SYNPR: variants seen among roughly 807,000 people sequenced by gnomAD.
SYNPR encodes synaptoporin.
Under a neutral mutation model 32.9 loss-of-function variants are expected in SYNPR, and 23 were observed. That is an observed-to-expected ratio of 0.70 (90% CI 0.50 to 0.99). The LOEUF is 0.99. Ranked by LOEUF, SYNPR falls within the 50% of genes least tolerant of loss-of-function variation. The probability of loss-of-function intolerance (pLI) is 0.00; values close to 1 mark genes in which losing one functional copy is unlikely to be tolerated. For synonymous variants in SYNPR, 146 were observed against 135.9 expected (o/e 1.07, Z -0.52); for missense variants, 318 against 349.3 (o/e 0.91, Z 0.71).
chr3:63,264,491 A>C (rs2086464502), intron 2 of SYNPR, among the ~76,000 whole-genome samples: 1 of 152,188 alleles, frequency 6.6e-6, no homozygotes, highest in Non-Finnish European at 1.5e-5. Flanking sequence ...TATGAAGGGC[A>C]ATTTTATTAT....
rs199735260 is a variant in SYNPR at position 63,615,910 on chromosome 3, A to AT, written c.*438dup. ...TGGTGTATCACAACATGCATGTCTTATTTTTTTTTAGTTTTAAGTCCTATA... is the reference window on the plus strand; with the variant it reads ...TGGTGTATCACAACATGCATGTCTTATTTTTTTTTTAGTTTTAAGTCCTATA... On this transcript the variant is annotated 3_prime_UTR_variant, in exon 6 of 6. Transcript: ENST00000478300. 1.6e-3 allele frequency: 249 copies of AT among 153,370 alleles called. 1 individual carries two copies. Among genetic ancestry groups the AT allele is most frequent in the Non-Finnish European group, 2.2e-3 (153 of 69,220 alleles). The allele number at this position is 153,370 out of a possible 1,614,324, so 9.5% of individuals were successfully genotyped here. A position where few individuals can be genotyped will look rare whatever the true frequency, so the allele number is the denominator to read the frequency against.
chr3:63,202,451 A>G, the SYNPR span, among the ~76,000 whole-genome samples: 10 of 152,214 alleles, frequency 6.6e-5, no homozygotes, highest in Non-Finnish European at 1.2e-4. Flanking sequence ...TTGAGCTTCA[A>G]AATAACCATC....
chr3:63,585,156 T>C (rs1703161749), intron 4 of SYNPR, among the ~76,000 whole-genome samples: 1 of 152,104 alleles, frequency 6.6e-6, no homozygotes. Flanking sequence ...AAACTGTGAA[T>C]GTGAAATTCT....
chr3:63,232,337 G>A (rs561949830), intron 1 of SYNPR, among the ~76,000 whole-genome samples: 1 of 151,682 alleles, frequency 6.6e-6, no homozygotes, highest in South Asian at 2.1e-4. Flanking sequence ...AGGTAGCTGG[G>A]ATTACAGGTA....
At chr3:63,247,066 T>G (rs1465448092) in intron 1 of SYNPR, among the ~76,000 whole-genome samples, 1 of 151,640 alleles carries the variant, frequency 6.6e-6, no homozygotes, top group Non-Finnish European at 1.5e-5. Context: ...CCCCTGAACT[T>G]AGAAGTTGGA....
intron 2 of SYNPR, among the ~76,000 whole-genome samples, chr3:63,447,767 T>G (rs932437325): frequency 6.6e-6 from 1 of 151,972 alleles, no homozygotes; most frequent in Non-Finnish European, 1.5e-5. Flanking sequence ...TAACACAAAT[T>G]CTAGCCAAAA....
intron 2 of SYNPR, among the ~76,000 whole-genome samples, chr3:63,406,237 A>C (rs2107108703): frequency 6.6e-6 from 1 of 151,588 alleles, no homozygotes; most frequent in African/African-American, 2.4e-5. Context: ...TGCCCTGTAT[A>C]GTTTTCAGGA....
chr3:63,201,875 T>C, the SYNPR span, among the ~76,000 whole-genome samples: 2 of 152,092 alleles, frequency 1.3e-5, no homozygotes, highest in Non-Finnish European at 2.9e-5. Flanking sequence ...ATTTTTACTA[T>C]TTACAAATTT....
rs566776355 is a variant in SYNPR at position 63,543,188 on chromosome 3, AAAC to A, written c.210-13350_210-13348del. 2.4e-3 allele frequency among the ~76,000 whole-genome samples: 364 copies of A among 152,246 alleles called. 3 individuals carry two copies. The highest frequency in any genetic ancestry group is 4.3e-3 in the Non-Finnish European group (295 of 68,006). On this transcript the variant is annotated intron_variant, in intron 3 of 5. Transcript: ENST00000478300. The stretch of plus-strand genomic sequence containing the variant: ...TGTGAGAAAGTGAGAGTAAAATGAC[AAAC>A]AACATCTTAGTGTTATCATGAAAAT...
At chr3:63,597,033 T>C (rs1388066566) in intron 4 of SYNPR, among the ~76,000 whole-genome samples, 1 of 152,192 alleles carries the variant, frequency 6.6e-6, no homozygotes, top group Non-Finnish European at 1.5e-5. Context: ...TATGAAATAA[T>C]AATTTTGATG....
At chr3:63,255,842 G>A (rs780609841) in intron 2 of SYNPR, among the ~76,000 whole-genome samples, 1 of 152,188 alleles carries the variant, frequency 6.6e-6, no homozygotes, top group Non-Finnish European at 1.5e-5. Context: ...GTGACAGATG[G>A]CACCTGGAAA....
chr3:63,202,225 C>A, the SYNPR span, among the ~76,000 whole-genome samples: 11 of 152,230 alleles, frequency 7.2e-5, no homozygotes. Flanking sequence ...TCCTAGATTC[C>A]TTTCCAGGTA....
intron 4 of SYNPR, among the ~76,000 whole-genome samples, chr3:63,561,859 A>T (rs1020177251): frequency 6.6e-6 from 1 of 152,218 alleles, no homozygotes; most frequent in Non-Finnish European, 1.5e-5. Flanking sequence ...CAAGTTTATC[A>T]ATGGCTACTG....
intron 2 of SYNPR, among the ~76,000 whole-genome samples, chr3:63,296,151 G>A (rs1282119304): frequency 6.6e-6 from 1 of 152,214 alleles, no homozygotes; most frequent in Non-Finnish European, 1.5e-5. Context: ...GCCTATAGGA[G>A]TAGCTGCTTC....
At chr3:63,242,053 T>C (rs1001383708) in intron 1 of SYNPR, among the ~76,000 whole-genome samples, 1 of 152,018 alleles carries the variant, frequency 6.6e-6, no homozygotes, top group African/African-American at 2.4e-5. Flanking sequence ...TCTTTCAACA[T>C]GATTAATATG....
At chr3:63,271,294 G>A (rs985714119) in intron 3 of SYNPR, among the ~76,000 whole-genome samples, 1 of 152,112 alleles carries the variant, frequency 6.6e-6, no homozygotes, top group African/African-American at 2.4e-5. Context: ...TAGGCAGGCA[G>A]AGATTATAAC....
At chr3:63,408,216 G>T (rs1241818643) in intron 2 of SYNPR, among the ~76,000 whole-genome samples, 5 of 81,138 alleles carry the variant, frequency 6.2e-5, no homozygotes, top group South Asian at 4.6e-4. Context: ...AAGGAAGGAA[G>T]GAAGGAAGGA....
chr3:63,291,610 T>C (rs2086739553), intron 2 of SYNPR, among the ~76,000 whole-genome samples: 1 of 44,004 alleles, frequency 2.3e-5, no homozygotes, highest in African/African-American at 1.0e-4. Flanking sequence ...GATTCTATTT[T>C]GAAGCAGTTG....
intron 2 of SYNPR, among the ~76,000 whole-genome samples, chr3:63,380,252 G>T (rs549070677): frequency 6.6e-6 from 1 of 152,266 alleles, no homozygotes; most frequent in East Asian, 1.9e-4. Flanking sequence ...AGATCCCTGA[G>T]GAATCACCAC....
Sources: allele counts gnomAD v4.1 joint callset (sites outside exome capture counted in the v4.1 genomes callset), GRCh38; gene constraint gnomAD v4.1.1; transcripts MANE v1.5; gene names NCBI Gene and HGNC (gene_info 2026-07-23, HGNC 2026-07-21).